The following PRICKLE2 variants were observed in gnomAD, a reference collection of about 807,000 sequenced individuals.
PRICKLE2 encodes the protein prickle-like protein 2.
In PRICKLE2, 21 loss-of-function variants were observed where a neutral mutation model predicts 81.4. The observed-to-expected ratio is 0.26, with a 90% confidence interval of 0.18 to 0.37. PRICKLE2 has a LOEUF of 0.37. Ranked by LOEUF, PRICKLE2 falls within the 10% of genes least tolerant of loss-of-function variation. The pLI is 1.00. For synonymous variants in PRICKLE2, 456 were observed against 421.5 expected (o/e 1.08, Z -1.00); for missense variants, 940 against 1,109.0 (o/e 0.85, Z 2.16).
At chr3:64,173,317 C>G (rs895406534) in intron 2 of PRICKLE2, among the ~76,000 whole-genome samples, 8 of 152,132 alleles carry the variant, frequency 5.3e-5, no homozygotes, top group African/African-American at 1.9e-4. Flanking sequence ...GGATGTGGAA[C>G]TGGGAAGAGC....
intron 1 of PRICKLE2, among the ~76,000 whole-genome samples, chr3:64,217,662 C>A (rs1163340582): frequency 6.6e-6 from 1 of 152,022 alleles, no homozygotes; most frequent in Non-Finnish European, 1.5e-5. Flanking sequence ...ATCTCCTGGG[C>A]CAACTGTAAC....
rs542694533 is a variant in PRICKLE2, at chr3:64,105,660, T to C, written c.1661-5735A>G. On this transcript the variant is annotated intron_variant, in intron 7 of 7. Transcript: ENST00000638394. ...TACACGTGATTTATAATGAGCTCCC[T>C]GCACTGCAGAAATGTTTTCTCCTTA... The C allele has an allele frequency of 7.9e-5, 12 of 152,366 alleles. No homozygotes were observed. In the South Asian group the frequency reaches 1.2e-3, roughly 16 times the overall value. 9.4% of individuals were successfully genotyped at this position (152,366 alleles called of 1,614,324 possible). A position where few individuals can be genotyped will look rare whatever the true frequency, so the allele number is the denominator to read the frequency against.
chr3:64,146,794 C>G (rs750809721), intron 7 of PRICKLE2, 36 bp downstream of exon 7: 1 of 1,612,788 alleles, frequency 6.2e-7, no homozygotes, highest in Admixed American at 1.7e-5. Context: ...AGAGACTACC[C>G]CCTTTCTATC....
At chr3:64,129,645 A>G (rs161659) in intron 7 of PRICKLE2, among the ~76,000 whole-genome samples, 93,291 of 151,934 alleles carry the variant, frequency 0.61, 29,087 homozygotes, top group East Asian at 0.86. Flanking sequence ...CAGAAGGAAC[A>G]AGGAGAAGAG....
At chr3:64,241,205 C>A (rs1255159116) in intron 2 of PRICKLE2, among the ~76,000 whole-genome samples, 1 of 152,202 alleles carries the variant, frequency 6.6e-6, no homozygotes, top group Non-Finnish European at 1.5e-5. Flanking sequence ...TTTCCCAACT[C>A]TCTACCTATA....
intron 1 of PRICKLE2, among the ~76,000 whole-genome samples, chr3:64,202,531 A>G (rs1276160826): frequency 6.6e-6 from 1 of 151,984 alleles, no homozygotes; most frequent in African/African-American, 2.4e-5. Context: ...ATTGTTCTCA[A>G]TTTCACTTTC....
At chr3:64,104,480 T>G (rs1197281264) in intron 7 of PRICKLE2, 1 of 152,256 alleles carries the variant, frequency 6.6e-6, no homozygotes, top group Non-Finnish European at 1.5e-5. Flanking sequence ...GAACCTGTCT[T>G]TCATAAGCCC....
At chr3:64,220,930 T>G (rs1178972863) in intron 1 of PRICKLE2, among the ~76,000 whole-genome samples, 1 of 152,172 alleles carries the variant, frequency 6.6e-6, no homozygotes, top group Non-Finnish European at 1.5e-5. Context: ...TTAATTAATG[T>G]ACTTTTAGAA....
At chr3:64,194,409 T>C in intron 2 of PRICKLE2, 1 of 152,252 alleles carries the variant, frequency 6.6e-6, no homozygotes, top group Non-Finnish European at 1.5e-5. Context: ...TTAACATCAC[T>C]TCCACCCAGT....
At chr3:64,118,098 G>A (rs1425004689) in intron 7 of PRICKLE2, among the ~76,000 whole-genome samples, 1 of 152,152 alleles carries the variant, frequency 6.6e-6, no homozygotes, top group Non-Finnish European at 1.5e-5. Context: ...AACAAGTAAT[G>A]GGGAAAGGAT....
intron 2 of PRICKLE2, among the ~76,000 whole-genome samples, chr3:64,232,083 G>T (rs1370580166): frequency 1.3e-5 from 2 of 152,230 alleles, no homozygotes; most frequent in African/African-American, 4.8e-5. Flanking sequence ...TACAAGGGAA[G>T]AGTACATAGA....
At chr3:64,256,444 C>T (rs574699233) in intron 2 of PRICKLE2, among the ~76,000 whole-genome samples, 1 of 152,130 alleles carries the variant, frequency 6.6e-6, no homozygotes, top group Non-Finnish European at 1.5e-5. Flanking sequence ...TACCTACATA[C>T]TAGTCTTGAT....
At chr3:64,208,279 A>G (rs1183860028) in intron 1 of PRICKLE2, among the ~76,000 whole-genome samples, 1 of 152,222 alleles carries the variant, frequency 6.6e-6, no homozygotes, top group African/African-American at 2.4e-5. Flanking sequence ...TATTGCTGAG[A>G]TAATCCTGCC....
Position 64,213,637 on chromosome 3 carries a change from C to T in PRICKLE2, c.-41+11273G>A, listed in dbSNP as rs192048779. Among the ~76,000 whole-genome samples the T allele has an allele frequency of 4.0e-3, 616 of 152,266 alleles. 4 individuals carry two copies. Among genetic ancestry groups the T allele is most frequent in the African/African-American group, 0.014 (588 of 41,542 alleles). ...CTGGAACCCCAAGTTTACTCATTTT[C>T]CCCTGAGCCCAGGGGCATAAGGTCA... On this transcript the variant is annotated intron_variant, in intron 1 of 7. Transcript: ENST00000638394.
chr3:64,229,273 C>T (rs1463726145), upstream of PRICKLE2, among the ~76,000 whole-genome samples: 1 of 152,148 alleles, frequency 6.6e-6, no homozygotes, highest in African/African-American at 2.4e-5. Context: ...TTCTAGCCAG[C>T]TTTAGGCAGC....
chr3:64,163,314 C>T, intron 2 of PRICKLE2, 185 bp from the exon 3 acceptor site: 1 of 638,488 alleles, frequency 1.6e-6, no homozygotes. Context: ...AAGCAAGAGT[C>T]AGGCAAATCA....
At chr3:64,191,401 A>G (rs1440729512) in intron 2 of PRICKLE2, among the ~76,000 whole-genome samples, 3 of 151,908 alleles carry the variant, frequency 2.0e-5, no homozygotes, top group African/African-American at 7.3e-5. Context: ...CATTATAAGC[A>G]CTCTCTCATC....
chr3:64,188,709 C>A (rs749962705), intron 2 of PRICKLE2, among the ~76,000 whole-genome samples: 4 of 152,228 alleles, frequency 2.6e-5, no homozygotes, highest in Admixed American at 6.5e-5. Context: ...TGTTTCAAAT[C>A]AGGCCCCCTT....
At chr3:64,113,344 C>A (rs1393379588) in intron 7 of PRICKLE2, among the ~76,000 whole-genome samples, 1 of 152,134 alleles carries the variant, frequency 6.6e-6, no homozygotes, top group Non-Finnish European at 1.5e-5. Flanking sequence ...TCAGATGGGG[C>A]TGGTCTGACC....
Sources: allele counts gnomAD v4.1 joint callset (sites outside exome capture counted in the v4.1 genomes callset), GRCh38; gene constraint gnomAD v4.1.1; transcripts MANE v1.5; gene names NCBI Gene and HGNC (gene_info 2026-07-23, HGNC 2026-07-21).